PCCA: variants seen among roughly 807,000 people sequenced by gnomAD.
The protein encoded by PCCA is propionyl-CoA carboxylase subunit alpha, also known as propionyl-CoA carboxylase alpha chain, mitochondrial.
In PCCA, 74 loss-of-function variants were observed where a neutral mutation model predicts 101.3. The observed-to-expected ratio is 0.73, with a 90% confidence interval of 0.61 to 0.89. PCCA has a LOEUF of 0.89. Among genes scored for constraint, PCCA ranks in the 40% least tolerant of loss-of-function variants. The pLI, the probability that PCCA is intolerant of heterozygous loss-of-function variation, is 0.00. For synonymous variants in PCCA, 294 were observed against 313.6 expected (o/e 0.94, Z 0.66); for missense variants, 891 against 907.0 (o/e 0.98, Z 0.23).
intron 4 of PCCA, among the ~76,000 whole-genome samples, chr13:100,132,270 C>CCCTTACCCCTCAGACTCCCTTGTGAGT (rs2050592787): frequency 7.5e-6 from 1 of 133,796 alleles, no homozygotes; most frequent in Non-Finnish European, 1.6e-5. Context: ...CAGAGTAGTT[C>CCCTTACCCCTCAGACTCCCTTGTGAGT]CATTACCCCT....
chr13:100,198,914 A>ATT (rs55731223), intron 6 of PCCA, among the ~76,000 whole-genome samples: 24 of 144,012 alleles, frequency 1.7e-4, no homozygotes, highest in Non-Finnish European at 2.9e-4. Context: ...GTACTTTACA[A>ATT]TTTTTTTTTT....
chr13:100,263,333 A>G (rs2062656390), intron 10 of PCCA, among the ~76,000 whole-genome samples: 1 of 152,228 alleles, frequency 6.6e-6, no homozygotes, highest in Non-Finnish European at 1.5e-5. Flanking sequence ...TTGCCTGTTG[A>G]AAATGCCTTC....
In PCCA at chr13:100,302,780, C is replaced by G. The variant is rs2066162484; in HGVS notation, c.1210-144C>G. ...ATTCTAAGTTGTCTAGCGTAAAAGA[C>G]AATAATATTCTGAAATCTGTGATTT... is the stretch of plus-strand genomic sequence containing the variant. On this transcript the variant is annotated intron_variant, in intron 13 of 23. Transcript: ENST00000376285. The G allele has an allele frequency of 4.3e-6, 3 of 690,766 alleles. No homozygotes were observed. The South Asian group carries it at 4.6e-5, about 11-fold the overall frequency. 42.8% of individuals were successfully genotyped at this position (690,766 alleles called of 1,614,324 possible). A position where few individuals can be genotyped will look rare whatever the true frequency, so the allele number is the denominator to read the frequency against.
intron 21 of PCCA, among the ~76,000 whole-genome samples, chr13:100,452,075 T>TCTCCTCTTC (rs1203850835): frequency 2.6e-5 from 3 of 113,562 alleles, no homozygotes; most frequent in Non-Finnish European, 5.4e-5. Flanking sequence ...CCTCTCCCTC[T>TCTCCTCTTC]CTCCTCTTCC....
intron 21 of PCCA, among the ~76,000 whole-genome samples, chr13:100,494,660 G>A (rs1425855799): frequency 7.1e-6 from 1 of 141,700 alleles, no homozygotes; most frequent in African/African-American, 2.8e-5. Flanking sequence ...TCTAGCCTGG[G>A]CAACAAGAGC....
intron 6 of PCCA, among the ~76,000 whole-genome samples, chr13:100,166,677 A>C (rs1442670381): frequency 6.6e-6 from 1 of 152,140 alleles, no homozygotes; most frequent in Non-Finnish European, 1.5e-5. Context: ...GTAGCCATTC[A>C]TCTGTTGGTG....
At chr13:100,352,322 GTATC>G (rs1811668935) in intron 18 of PCCA, among the ~76,000 whole-genome samples, 1 of 151,402 alleles carries the variant, frequency 6.6e-6, no homozygotes, top group Non-Finnish European at 1.5e-5. Flanking sequence ...ATGGAAAAAA[GTATC>G]AGACAGACAT....
Position 100,448,091 on chromosome 13 carries a change from G to C in PCCA, c.1846-1161G>C, listed in dbSNP as rs560904181. Among the ~76,000 whole-genome samples, 4 of 152,352 alleles carry C rather than the reference G, an allele frequency of 2.6e-5. No homozygotes were observed. In the East Asian group the frequency reaches 7.7e-4, roughly 29 times the overall value. On this transcript the variant is annotated intron_variant, in intron 20 of 23. Coordinates refer to ENST00000376285, the MANE Select transcript of PCCA (RefSeq NM_000282.4). ...TGGCTTAGTTAGAACTGCTTTATTT[G>C]TGTGTGTAGTCTTTGAAGTCACTGA...
intron 1 of PCCA, among the ~76,000 whole-genome samples, chr13:100,100,643 C>T (rs935683974): frequency 1.3e-5 from 2 of 152,146 alleles, no homozygotes; most frequent in African/African-American, 2.4e-5. Context: ...TCATTTTTGA[C>T]CTTCCATGAA....
intron 1 of PCCA, among the ~76,000 whole-genome samples, chr13:100,099,196 G>A (rs2047041812): frequency 6.6e-6 from 1 of 151,960 alleles, no homozygotes; most frequent in South Asian, 2.1e-4. Flanking sequence ...AACAACAGTA[G>A]TTTTGGTTTT....
intron 19 of PCCA, among the ~76,000 whole-genome samples, chr13:100,377,818 G>A (rs2076012048): frequency 6.6e-6 from 1 of 152,090 alleles, no homozygotes; most frequent in African/African-American, 2.4e-5. Context: ...TTTAAGTGGA[G>A]CATTTAATCC....
chr13:100,419,549 T>C (rs964595688), intron 19 of PCCA, among the ~76,000 whole-genome samples: 3 of 152,020 alleles, frequency 2.0e-5, no homozygotes, highest in African/African-American at 7.2e-5. Flanking sequence ...AGTCAGATTA[T>C]AGAAGGTTAT....
At chr13:100,102,985 A>G (rs1225049319) in intron 2 of PCCA, 25 bp downstream of exon 2, 1 of 1,410,112 alleles carries the variant, frequency 7.1e-7, no homozygotes, top group Non-Finnish European at 1.0e-6. Flanking sequence ...GATATTCTCA[A>G]CAACTAAATT....
At chr13:100,430,440 T>G (rs1305746277) in intron 20 of PCCA, among the ~76,000 whole-genome samples, 1 of 152,192 alleles carries the variant, frequency 6.6e-6, no homozygotes, top group Non-Finnish European at 1.5e-5. Flanking sequence ...CTGTGAGCAG[T>G]ATCTTGTTGA....
In PCCA at chr13:100,529,805, C is replaced by T. The variant is rs912141807; in HGVS notation, c.2119-293C>T. On this transcript the variant is annotated intron_variant, in intron 23 of 23. Coordinates refer to ENST00000376285, the MANE Select transcript of PCCA (RefSeq NM_000282.4). Reference sequence around the variant, plus strand: ...CTGCCTAGACCTGAGGGTGCCAGAGCGCAGGCCACAGCGCAAATGCTCCGG... The same window carrying T: ...CTGCCTAGACCTGAGGGTGCCAGAGTGCAGGCCACAGCGCAAATGCTCCGG... 5.3e-5 allele frequency among the ~76,000 whole-genome samples: 8 copies of T among 152,136 alleles called. No individual in the cohort carries two copies. In the East Asian group the frequency reaches 9.6e-4, roughly 18 times the overall value.
chr13:100,216,670 C>A (rs1205155603), intron 7 of PCCA, among the ~76,000 whole-genome samples: 1 of 151,828 alleles, frequency 6.6e-6, no homozygotes, highest in African/African-American at 2.4e-5. Context: ...ATTAGAGGCA[C>A]CAAAAGAAAC....
At chr13:100,520,791 T>C (rs1436340244) in intron 22 of PCCA, among the ~76,000 whole-genome samples, 1 of 151,934 alleles carries the variant, frequency 6.6e-6, no homozygotes, top group Non-Finnish European at 1.5e-5. Flanking sequence ...AATTATAAAA[T>C]AAAAAATATT....
chr13:100,404,984 A>C (rs534084807), intron 19 of PCCA, among the ~76,000 whole-genome samples: 1 of 152,120 alleles, frequency 6.6e-6, no homozygotes, highest in African/African-American at 2.4e-5. Context: ...GAAGCTTGGA[A>C]TTGAGTCGGG....
intron 19 of PCCA, among the ~76,000 whole-genome samples, chr13:100,419,748 TGAGATGGGA>T (rs1385650966): frequency 6.6e-6 from 1 of 152,118 alleles, no homozygotes; most frequent in Non-Finnish European, 1.5e-5. Flanking sequence ...AGAGAGGGCA[TGAGATGGGA>T]GTGAAGGAAA....
Sources: allele counts gnomAD v4.1 joint callset (sites outside exome capture counted in the v4.1 genomes callset), GRCh38; gene constraint gnomAD v4.1.1; transcripts MANE v1.5; gene names NCBI Gene and HGNC (gene_info 2026-07-23, HGNC 2026-07-21).